DISP1: variants seen among roughly 807,000 people sequenced by gnomAD.
DISP1 encodes dispatched RND transporter family member 1, also known as protein dispatched homolog 1.
Under a neutral mutation model 37.3 loss-of-function variants are expected in DISP1, and 30 were observed. The ratio of observed to expected loss-of-function variants is 0.80; its 90% CI spans 0.60 to 1.09. The LOEUF is 1.09. Ranked by LOEUF, DISP1 falls within the 50% of genes least tolerant of loss-of-function variation. DISP1 has a pLI of 0.00. For synonymous variants in DISP1, 634 were observed against 690.2 expected, an observed-to-expected ratio of 0.92 and a Z score of 1.28; for missense variants, 1,598 against 1,879.5, an observed-to-expected ratio of 0.85 and a Z score of 2.77.
chr1:222,841,366 T>C (rs1204781441), intron 1 of DISP1, among the ~76,000 whole-genome samples: 1 of 152,168 alleles, frequency 6.6e-6, no homozygotes, highest in Non-Finnish European at 1.5e-5. Context: ...TAATCCTCAT[T>C]AATAACCCTA....
At chr1:222,905,152 T>G (rs1200416738) in intron 1 of DISP1, among the ~76,000 whole-genome samples, 1 of 152,184 alleles carries the variant, frequency 6.6e-6, no homozygotes, top group Non-Finnish European at 1.5e-5. Flanking sequence ...TATGAGGTAT[T>G]AAGTGTTCTC....
intron 2 of DISP1, among the ~76,000 whole-genome samples, chr1:222,940,930 A>G (rs906739255): frequency 6.6e-6 from 1 of 152,228 alleles, no homozygotes; most frequent in African/African-American, 2.4e-5. Context: ...TCTAAGACAC[A>G]ATTAAACATC....
At chr1:222,827,029 A>G (rs1276241458) in intron 1 of DISP1, among the ~76,000 whole-genome samples, 1 of 152,094 alleles carries the variant, frequency 6.6e-6, no homozygotes, top group Non-Finnish European at 1.5e-5. Flanking sequence ...TTTCATCTTT[A>G]GTTTTAGTGG....
chr1:222,973,421 A>G (rs1336028958), intron 3 of DISP1, among the ~76,000 whole-genome samples: 1 of 152,134 alleles, frequency 6.6e-6, no homozygotes, highest in African/African-American at 2.4e-5. Flanking sequence ...TTTTCATATG[A>G]ATACAGTATG....
chr1:222,940,633 A>G (rs1227440626), intron 2 of DISP1, among the ~76,000 whole-genome samples: 5 of 152,234 alleles, frequency 3.3e-5, no homozygotes, highest in South Asian at 4.1e-4. Context: ...GAAAAAGTAG[A>G]CTATTTGAGA....
chr1:222,980,022 G>A (rs1329185463), intron 3 of DISP1, among the ~76,000 whole-genome samples: 3 of 152,114 alleles, frequency 2.0e-5, no homozygotes, highest in Admixed American at 2.0e-4. Flanking sequence ...TGCTGAATTA[G>A]GCATGGAAGA....
intron 8 of DISP1, among the ~76,000 whole-genome samples, chr1:223,001,029 A>G (rs1679406165): frequency 6.6e-6 from 1 of 152,212 alleles, no homozygotes; most frequent in South Asian, 2.1e-4. Flanking sequence ...GGTCAGGCTC[A>G]GGAGAAGAGG....
At chr1:222,873,859 T>G (rs1669743372) in intron 1 of DISP1, among the ~76,000 whole-genome samples, 1 of 152,216 alleles carries the variant, frequency 6.6e-6, no homozygotes. Flanking sequence ...ATGCAGTTTC[T>G]TCCTAGCCTT....
At chr1:222,987,629 C>T (rs964285092) in intron 4 of DISP1, among the ~76,000 whole-genome samples, 2 of 152,096 alleles carry the variant, frequency 1.3e-5, no homozygotes, top group African/African-American at 2.4e-5. Context: ...CGTTGCTATA[C>T]GTGTGTGCAG....
intron 1 of DISP1, among the ~76,000 whole-genome samples, chr1:222,827,106 G>A (rs1572185712): frequency 6.6e-6 from 1 of 152,172 alleles, no homozygotes; most frequent in South Asian, 2.1e-4. Flanking sequence ...AAAGGATTAT[G>A]TCACCTTGAT....
chr1:222,852,150 C>T (rs1309020210), intron 1 of DISP1, among the ~76,000 whole-genome samples: 1 of 151,774 alleles, frequency 6.6e-6, no homozygotes, highest in Non-Finnish European at 1.5e-5. Flanking sequence ...CGCCATCGCA[C>T]TCCAGCCTGG....
chr1:223,005,381 C>T lies in DISP1; in HGVS notation c.3984C>T (p.Pro1328=), dbSNP rs1324907455. Residue 1328 remains proline, a synonymous_variant, in exon 9 of 9, where the codon CCC becomes CCT. Coordinates refer to ENST00000675850, the MANE Select transcript of DISP1 (RefSeq NM_001377229.1). ...THQAVEGFVH[P]ITHIHHCPCL... ...AAGCTGTCGAGGGCTTTGTGCACCC[C>T]ATCACGCACATCCACCACTGTCCCT... 1 of 1,613,516 alleles carries T rather than the reference C, an allele frequency of 6.2e-7. No individual in the cohort carries two copies. The highest frequency in any genetic ancestry group is 8.5e-7 in the Non-Finnish European group (1 of 1,180,040).
At chr1:222,927,443 C>A (rs1673150012) in intron 1 of DISP1, among the ~76,000 whole-genome samples, 2 of 152,180 alleles carry the variant, frequency 1.3e-5, no homozygotes, top group South Asian at 4.1e-4. Flanking sequence ...AATATATATT[C>A]TGAATACTAG....
chr1:223,002,785 G>A lies in DISP1; in HGVS notation c.1388G>A (p.Ser463Asn), dbSNP rs1208230811. ...TTCTCTCCCACAGAGAAAGGGGAGAGCATGATGAACATTTACTTGGACAAC... is the reference window on the plus strand; with the variant it reads ...TTCTCTCCCACAGAGAAAGGGGAGAACATGATGAACATTTACTTGGACAAC... ...MLFSPTEKGE[S>N]MMNIYLDNFE... is the part of the protein sequence containing the mutation. The change falls in exon 9 of 9, where the codon AGC (serine) becomes AAC (asparagine). Residue 463 changes from serine to asparagine, a missense_variant. By Grantham distance (46) the Ser-to-Asn change is conservative (BLOSUM62 1). Coordinates refer to ENST00000675850, the MANE Select transcript of DISP1 (RefSeq NM_001377229.1). 1 of 1,614,122 alleles carries A rather than the reference G, an allele frequency of 6.2e-7. No homozygotes were observed. Among genetic ancestry groups the A allele is most frequent in the Non-Finnish European group, 8.5e-7 (1 of 1,180,040 alleles).
intron 1 of DISP1, among the ~76,000 whole-genome samples, chr1:222,838,233 A>G (rs1240133471): frequency 6.6e-6 from 1 of 151,998 alleles, no homozygotes; most frequent in Admixed American, 6.5e-5. Flanking sequence ...TACTTGAGCC[A>G]CTCAGTGATT....
At chr1:222,992,410 TA>T (rs1678766967) in intron 7 of DISP1, among the ~76,000 whole-genome samples, 1 of 152,220 alleles carries the variant, frequency 6.6e-6, no homozygotes, top group African/African-American at 2.4e-5. Context: ...CAAGTCTTTT[TA>T]AAAATTCCTT....
At chr1:222,846,739 T>A (rs1667930111) in intron 1 of DISP1, among the ~76,000 whole-genome samples, 1 of 152,244 alleles carries the variant, frequency 6.6e-6, no homozygotes, top group Non-Finnish European at 1.5e-5. Context: ...GATTCTCCAT[T>A]GTGATGAATG....
intron 1 of DISP1, among the ~76,000 whole-genome samples, chr1:222,889,879 T>C (rs1231315604): frequency 1.3e-5 from 2 of 152,196 alleles, no homozygotes; most frequent in Non-Finnish European, 2.9e-5. Context: ...ATTTAAATCA[T>C]TTTGAAACCA....
intron 3 of DISP1, among the ~76,000 whole-genome samples, chr1:222,963,331 A>G (rs1676204176): frequency 6.6e-6 from 1 of 152,342 alleles, no homozygotes; most frequent in Middle Eastern, 3.4e-3. Context: ...GTGGGAATGT[A>G]AATTAGTTCA....
Sources: gnomAD v4.1 joint callset for allele counts (sites outside exome capture counted in the v4.1 genomes callset) on GRCh38, gnomAD v4.1.1 for gene constraint, MANE v1.5 for transcripts, NCBI Gene and HGNC (gene_info 2026-07-23, HGNC 2026-07-21) for gene names.